Variants in ATAD2B observed in about 807,000 individuals in gnomAD.
ATAD2B encodes ATPase family AAA domain-containing protein 2B.
In ATAD2B, 40 loss-of-function variants were observed where a neutral mutation model predicts 167.6. The observed-to-expected ratio is 0.24, with a 90% CI of 0.19 to 0.31. ATAD2B has a LOEUF of 0.31. ATAD2B is among the 10% of genes least tolerant of loss of function. ATAD2B has a pLI of 1.00. For synonymous variants in ATAD2B, 579 were observed against 596.5 expected (o/e 0.97, Z 0.43); for missense variants, 1,242 against 1,757.2 (o/e 0.71, Z 5.24).
the ATAD2B span, chr2:23,691,413 T>C: frequency 3.7e-6 from 2 of 540,314 alleles, no homozygotes; most frequent in Non-Finnish European, 6.7e-6. Context: ...CCATAGCTCA[T>C]GCTTTTTGAT....
chr2:23,784,784 A>G (rs1465311398), intron 21 of ATAD2B, among the ~76,000 whole-genome samples: 5 of 149,820 alleles, frequency 3.3e-5, no homozygotes, highest in East Asian at 2.0e-4. Flanking sequence ...GGGGGGGGGG[A>G]TGACCCAGCA....
At chr2:23,926,502 G>A (rs1704854481) in intron 1 of ATAD2B, 53 bp downstream of exon 1, 9 of 1,520,350 alleles carry the variant, frequency 5.9e-6, no homozygotes, top group Non-Finnish European at 5.3e-6. Flanking sequence ...ACAAAGCCCC[G>A]GCAGCAGGGC....
chr2:23,758,826 A>T (rs1190346410), intron 24 of ATAD2B, among the ~76,000 whole-genome samples: 1 of 152,176 alleles, frequency 6.6e-6, no homozygotes, highest in Non-Finnish European at 1.5e-5. Context: ...AAACACTGAA[A>T]ATAAATACTT....
chr2:23,738,276 C>A, the ATAD2B span, among the ~76,000 whole-genome samples: 529 of 152,206 alleles, frequency 3.5e-3, 4 homozygotes, highest in African/African-American at 0.012. Context: ...AATGAAGAAA[C>A]AAATGTTCAG....
rs372115056 is a variant in ATAD2B at position 23,770,081 on chromosome 2, G to A, written c.3134-4453C>T. On this transcript the variant is annotated intron_variant, in intron 22 of 27. Transcript: ENST00000238789. Reference sequence around the variant, plus strand: ...TCCCAGCACTTTGGAAGGCCGAGGCGGGCGGGTAACCTGAGGTCAGGAGTT... The same window carrying A: ...TCCCAGCACTTTGGAAGGCCGAGGCAGGCGGGTAACCTGAGGTCAGGAGTT... Among the ~76,000 whole-genome samples, 411 of 151,784 alleles carry A rather than the reference G, an allele frequency of 2.7e-3. 3 individuals carry two copies. Among genetic ancestry groups the A allele is most frequent in the South Asian group, 0.01 (50 of 4,792 alleles).
At position 23,864,789 on chromosome 2, in the gene ATAD2B, A is replaced by C. The variant is rs1326492208; in HGVS notation, c.1304+20T>G. The C allele has an allele frequency of 8.5e-7, 1 of 1,180,294 alleles. No homozygotes were observed. Among genetic ancestry groups the C allele is most frequent in the African/African-American group, 1.5e-5 (1 of 64,816 alleles). The allele number at this position is 1,180,294 out of a possible 1,614,324, so 73.1% of individuals were successfully genotyped here. On this transcript the variant is annotated intron_variant, in intron 11 of 27. Coordinates refer to ENST00000238789, the MANE Select transcript of ATAD2B (RefSeq NM_017552.4). ...AAAGTAACAGTAATAACAATAATAA[A>C]CATCTATGACATTGCTTACCTTGGA...
the ATAD2B span, among the ~76,000 whole-genome samples, chr2:23,683,911 C>T: frequency 2.6e-5 from 4 of 152,162 alleles, no homozygotes; most frequent in South Asian, 2.1e-4. Context: ...ACATAAGGGA[C>T]GCTGTTTTTG....
intron 13 of ATAD2B, among the ~76,000 whole-genome samples, chr2:23,856,937 A>T (rs931730365): frequency 6.6e-5 from 10 of 152,038 alleles, no homozygotes; most frequent in Admixed American, 1.3e-4. Flanking sequence ...GGCTGGACAC[A>T]GTGGCTCACG....
chr2:23,685,795 G>A, the ATAD2B span, among the ~76,000 whole-genome samples: 13 of 152,352 alleles, frequency 8.5e-5, no homozygotes, highest in East Asian at 1.9e-3. Flanking sequence ...CCAGGCCAGG[G>A]AGGACTCTGT....
At chr2:23,786,580 A>G (rs558130403) in intron 20 of ATAD2B, among the ~76,000 whole-genome samples, 1 of 152,248 alleles carries the variant, frequency 6.6e-6, no homozygotes, top group African/African-American at 2.4e-5. Flanking sequence ...TAGTAAAAAT[A>G]CAGTATTATA....
chr2:23,713,470 T>C, the ATAD2B span, among the ~76,000 whole-genome samples: 2 of 152,208 alleles, frequency 1.3e-5, no homozygotes, highest in African/African-American at 4.8e-5. Flanking sequence ...CCTTTTAAAG[T>C]GGTTTTTCAG....
At chr2:23,899,020 T>C (rs1700465451) in intron 1 of ATAD2B, among the ~76,000 whole-genome samples, 1 of 152,088 alleles carries the variant, frequency 6.6e-6, no homozygotes, top group South Asian at 2.1e-4. Flanking sequence ...TGGTGGCCCA[T>C]GCTTGTAATC....
At chr2:23,722,951 G>A in the ATAD2B span, among the ~76,000 whole-genome samples, 12 of 152,156 alleles carry the variant, frequency 7.9e-5, no homozygotes, top group East Asian at 2.3e-3. Context: ...GAATATACAA[G>A]GAACTGGAAA....
chr2:23,883,590 T>A, intron 6 of ATAD2B: 1 of 1,285,732 alleles, frequency 7.8e-7, no homozygotes. Flanking sequence ...TAAATCTGTC[T>A]CACCTATACT....
intron 17 of ATAD2B, among the ~76,000 whole-genome samples, chr2:23,812,257 T>C (rs1376499242): frequency 7.0e-6 from 1 of 142,380 alleles, no homozygotes; most frequent in African/African-American, 2.6e-5. Context: ...ATAGATTTCC[T>C]AAACACCATC....
intron 1 of ATAD2B, among the ~76,000 whole-genome samples, chr2:23,926,272 G>A (rs1014638618): frequency 6.6e-6 from 1 of 152,200 alleles, no homozygotes; most frequent in African/African-American, 2.4e-5. Flanking sequence ...ACAAGGACAC[G>A]GACAGCAGAT....
Position 23,887,975 on chromosome 2 carries a change from GC to G in ATAD2B, c.428del (p.Ser143ThrfsTer17). ...PNGHSGLSLR[S>X]HPLRGEKKGD... ...CCTTCTTTTCCCCTCGAAGGGGATG[GC>G]TTCGAAGGGCTACAAGAAGAGAGAT... On this transcript the variant is annotated frameshift_variant, in exon 4 of 28. Transcript: ENST00000238789. LOFTEE classifies it high-confidence loss of function. 1 of 1,585,130 alleles carries G rather than the reference GC, an allele frequency of 6.3e-7. No homozygotes were observed. The highest frequency in any genetic ancestry group is 8.5e-7 in the Non-Finnish European group (1 of 1,169,908).
At chr2:23,759,035 A>G (rs1053875534) in intron 24 of ATAD2B, among the ~76,000 whole-genome samples, 1 of 152,202 alleles carries the variant, frequency 6.6e-6, no homozygotes, top group Non-Finnish European at 1.5e-5. Context: ...TAAATAAACA[A>G]AAAGTTAACT....
At chr2:23,892,608 T>C (rs1699694876) in intron 2 of ATAD2B, among the ~76,000 whole-genome samples, 1 of 151,950 alleles carries the variant, frequency 6.6e-6, no homozygotes, top group Non-Finnish European at 1.5e-5. Context: ...ACTAGCTGGG[T>C]ACAGGCACGC....
Sources: allele counts gnomAD v4.1 joint callset (sites outside exome capture counted in the v4.1 genomes callset), GRCh38; gene constraint gnomAD v4.1.1; transcripts MANE v1.5; gene names NCBI Gene and HGNC (gene_info 2026-07-23, HGNC 2026-07-21).